MAGI1: variants seen among roughly 807,000 people sequenced by gnomAD.
MAGI1 encodes membrane-associated guanylate kinase, WW and PDZ domain-containing protein 1.
A neutral mutation model predicts 139.9 loss-of-function variants in MAGI1; 58 were observed. The observed-to-expected ratio is 0.41, with a 90% CI of 0.34 to 0.52. MAGI1 has a LOEUF of 0.52. Among genes scored for constraint, MAGI1 ranks in the 20% least tolerant of loss-of-function variants. The pLI is 0.12. For synonymous variants in MAGI1, 812 were observed against 737.9 expected (o/e 1.10, Z -1.63); for missense variants, 1,874 against 1,901.6 (o/e 0.99, Z 0.27).
At chr3:65,654,334 G>A (rs1165445255) in intron 1 of MAGI1, among the ~76,000 whole-genome samples, 5 of 151,998 alleles carry the variant, frequency 3.3e-5, no homozygotes, top group Non-Finnish European at 5.9e-5. Flanking sequence ...ACGTACACAC[G>A]GAGATATACA....
chr3:66,001,595 C>T (rs1233035918), intron 1 of MAGI1, among the ~76,000 whole-genome samples: 1 of 152,162 alleles, frequency 6.6e-6, no homozygotes, highest in Non-Finnish European at 1.5e-5. Flanking sequence ...GAAACTGAGG[C>T]TCAGACAGGT....
chr3:65,370,571 G>A (rs192127759), intron 18 of MAGI1, among the ~76,000 whole-genome samples: 1 of 152,312 alleles, frequency 6.6e-6, no homozygotes, highest in East Asian at 1.9e-4. Context: ...AATGCCAACT[G>A]TTATTGGATA....
At chr3:65,795,691 T>C (rs1057177652) in intron 1 of MAGI1, among the ~76,000 whole-genome samples, 3 of 70,216 alleles carry the variant, frequency 4.3e-5, no homozygotes, top group East Asian at 2.3e-3. Flanking sequence ...CATAAGATGA[T>C]AAGATACACA....
intron 13 of MAGI1, among the ~76,000 whole-genome samples, chr3:65,391,846 C>T (rs1943943304): frequency 6.6e-6 from 1 of 152,062 alleles, no homozygotes; most frequent in Non-Finnish European, 1.5e-5. Context: ...TAAGAGTTTG[C>T]TATCCATTCT....
At chr3:66,012,772 A>C (rs1250040217) in intron 1 of MAGI1, among the ~76,000 whole-genome samples, 1 of 151,840 alleles carries the variant, frequency 6.6e-6, no homozygotes, top group Non-Finnish European at 1.5e-5. Context: ...TCTCAAAAAA[A>C]AAAAAAAAAG....
intron 3 of MAGI1, among the ~76,000 whole-genome samples, chr3:65,490,564 G>A (rs908802345): frequency 5.9e-5 from 9 of 151,970 alleles, no homozygotes; most frequent in South Asian, 4.2e-4. Flanking sequence ...GAGCCATCTC[G>A]GCCAGGCTCG....
At chr3:65,665,376 A>G (rs1163129334) in intron 1 of MAGI1, among the ~76,000 whole-genome samples, 1 of 152,216 alleles carries the variant, frequency 6.6e-6, no homozygotes, top group Non-Finnish European at 1.5e-5. Flanking sequence ...GAAAAGATGG[A>G]AAACAGGCTA....
intron 1 of MAGI1, among the ~76,000 whole-genome samples, chr3:65,870,442 G>A (rs1353307717): frequency 6.6e-6 from 1 of 152,066 alleles, no homozygotes; most frequent in East Asian, 1.9e-4. Flanking sequence ...GTGTCTTAAT[G>A]CATCTTTCTA....
intron 2 of MAGI1, among the ~76,000 whole-genome samples, chr3:65,526,843 T>C (rs1169484114): frequency 6.6e-6 from 1 of 152,108 alleles, no homozygotes; most frequent in East Asian, 1.9e-4. Context: ...TAAACGGTCA[T>C]CCAACCCACA....
intron 1 of MAGI1, among the ~76,000 whole-genome samples, chr3:65,631,685 C>T (rs897897584): frequency 2.0e-5 from 3 of 152,244 alleles, no homozygotes; most frequent in African/African-American, 4.8e-5. Context: ...AAAGTAGGTA[C>T]GTAAACTCAT....
chr3:66,035,490 C>T (rs933252147), intron 1 of MAGI1, among the ~76,000 whole-genome samples: 6 of 152,104 alleles, frequency 3.9e-5, no homozygotes, highest in African/African-American at 1.4e-4. Flanking sequence ...ATATTCTCAA[C>T]ATGGAAGAGG....
At chr3:65,782,138 A>G (rs1301689125) in intron 1 of MAGI1, among the ~76,000 whole-genome samples, 1 of 152,208 alleles carries the variant, frequency 6.6e-6, no homozygotes, top group Non-Finnish European at 1.5e-5. Context: ...ATCACCCCAA[A>G]GATATCCCCA....
intron 2 of MAGI1, among the ~76,000 whole-genome samples, chr3:65,515,688 C>T (rs143877426): frequency 6.6e-6 from 1 of 152,304 alleles, no homozygotes; most frequent in Non-Finnish European, 1.5e-5. Context: ...AAGTCTATGG[C>T]ACCAACCCAT....
chr3:65,430,245 G>A (rs570369357), intron 11 of MAGI1, 105 bp from the exon 12 acceptor site: 23 of 1,158,028 alleles, frequency 2.0e-5, no homozygotes, highest in African/African-American at 1.1e-4. Context: ...AACTGCATGT[G>A]GGTGTGATAC....
chr3:65,479,219 A>G (rs1352984250), intron 3 of MAGI1, among the ~76,000 whole-genome samples: 2 of 152,230 alleles, frequency 1.3e-5, no homozygotes, highest in Non-Finnish European at 2.9e-5. Flanking sequence ...AGTTGAGGTC[A>G]CTTTCCCTTA....
intron 1 of MAGI1, among the ~76,000 whole-genome samples, chr3:65,640,813 C>T (rs186012426): frequency 1.6e-4 from 25 of 152,264 alleles, no homozygotes; most frequent in African/African-American, 4.6e-4. Context: ...ATCCAACTAA[C>T]GAGTGTTCCT....
At chr3:65,387,029 G>T in intron 14 of MAGI1, 2 of 852,216 alleles carry the variant, frequency 2.3e-6, no homozygotes, top group African/African-American at 1.7e-5. Flanking sequence ...TTCCCTTCAT[G>T]CCCCTTTTTT....
chr3:65,550,613 C>T (rs953364953), intron 2 of MAGI1, among the ~76,000 whole-genome samples: 1 of 152,120 alleles, frequency 6.6e-6, no homozygotes, highest in African/African-American at 2.4e-5. Flanking sequence ...ATCAATTTGA[C>T]TAAACTGGGA....
At position 65,493,586 on chromosome 3, in the gene MAGI1, T is replaced by G. The variant is rs907071889; in HGVS notation, c.476A>C (p.Tyr159Ser). Reference sequence around the variant, plus strand: ...GAACTCCTTCACAGTCAGAAAGTTATAGTCCACGCCAGGCACTTCTCCTTC... The same window carrying G: ...GAACTCCTTCACAGTCAGAAAGTTAGAGTCCACGCCAGGCACTTCTCCTTC... ...PREGEVPGVD[Y>S]NFLTVKEFLD... The change falls in exon 3 of 23, where the codon TAT becomes TCT. Residue 159 changes from tyrosine to serine, a missense_variant. Around this residue, in one of 5 missense-constraint regions of MAGI1, gnomAD observed 648 missense variants for 598.1 expected, o/e 1.08. Transcript: ENST00000402939. 6.2e-7 allele frequency: 1 copy of G among 1,614,066 alleles called. No individual in the cohort carries two copies. Among genetic ancestry groups the G allele is most frequent in the South Asian group, 1.1e-5 (1 of 91,090 alleles).
Sources: gnomAD v4.1 joint callset for allele counts (sites outside exome capture counted in the v4.1 genomes callset) on GRCh38, gnomAD v4.1.1 for gene constraint, gnomAD v4.1.1 regional missense constraint, MANE v1.5 for transcripts, NCBI Gene and HGNC (gene_info 2026-07-23, HGNC 2026-07-21) for gene names.